The following PRPF8 variants were observed in gnomAD, a reference collection of about 807,000 sequenced individuals.
PRPF8 encodes the protein pre-mRNA processing factor 8.
Under a neutral mutation model 285.9 loss-of-function variants are expected in PRPF8, and 64 were observed. That is an observed-to-expected ratio of 0.22 (90% CI 0.18 to 0.28). The LOEUF is 0.28. Among genes scored for constraint, PRPF8 ranks in the 10% least tolerant of loss-of-function variants. The pLI is 1.00. For synonymous variants in PRPF8, 1,325 were observed against 1,118.2 expected, an observed-to-expected ratio of 1.18 and a Z score of -3.69; for missense variants, 1,426 against 3,026.7, an observed-to-expected ratio of 0.47 and a Z score of 12.41.
chr17:1,676,896 G>T lies in PRPF8; in HGVS notation c.2181+80C>A. ...AAAGAAAAGAGATTGGAGCCAGATA[G>T]CCCCCTAATGATTCCCGAAGTGGTA... On this transcript the variant is annotated intron_variant, in intron 15 of 42. Transcript: ENST00000304992. The surrounding 1 kb of genome is among the most constrained non-coding windows in gnomAD (Gnocchi z 6.3). 1 of 1,539,210 alleles carries T rather than the reference G, an allele frequency of 6.5e-7. No individual in the cohort carries two copies. The highest frequency in any genetic ancestry group is 8.9e-7 in the Non-Finnish European group (1 of 1,119,640).
Position 1,651,430 on chromosome 17 carries a change from T to C in PRPF8, c.6634A>G (p.Ile2212Val). Residue 2212 changes from isoleucine (I) to valine (V), a missense_variant, in exon 41 of 43, where the codon ATT becomes GTT. Around this residue, in one of 34 missense-constraint regions of PRPF8, gnomAD observed 160 missense variants for 373.7 expected, o/e 0.43. Transcript: ENST00000304992. This position sits in a 1 kb window ranked among gnomAD's most constrained non-coding sequence, Gnocchi z 5.1. ...DNPSWDGEKT[I>V]IITCSFTPGS... ...CAGGCCCACCTGCATGTGATGATAA[T>C]GGTCTTCTCGCCATCCCAAGATGGG... 1 of 1,614,190 alleles carries C rather than the reference T, an allele frequency of 6.2e-7. No individual in the cohort carries two copies. Among genetic ancestry groups the C allele is most frequent in the Non-Finnish European group, 8.5e-7 (1 of 1,180,026 alleles).
intron 24 of PRPF8, among the ~76,000 whole-genome samples, chr17:1,666,941 G>A (rs776080705): frequency 3.3e-5 from 5 of 152,172 alleles, no homozygotes; most frequent in Admixed American, 2.0e-4. Context: ...TTGGGAGGCC[G>A]AGGCGGTTGG....
At chr17:1,670,568 C>A (rs562796409) in intron 24 of PRPF8, among the ~76,000 whole-genome samples, 2 of 151,950 alleles carry the variant, frequency 1.3e-5, no homozygotes, top group Admixed American at 1.3e-4. Flanking sequence ...CTCACTGCAA[C>A]CTCCGCCTCC....
At chr17:1,684,623 C>G in intron 1 of PRPF8, 41 bp from the exon 2 acceptor site, 1 of 1,589,724 alleles carries the variant, frequency 6.3e-7, no homozygotes, top group Non-Finnish European at 8.6e-7. Flanking sequence ...AACCACAGGC[C>G]CGGGCCCACA....
At chr17:1,671,869 A>T (rs931075438) in intron 24 of PRPF8, among the ~76,000 whole-genome samples, 2 of 150,784 alleles carry the variant, frequency 1.3e-5, no homozygotes, top group Admixed American at 1.3e-4. Flanking sequence ...AAAAAAAAAA[A>T]AAAAAATTAA....
At position 1,661,348 on chromosome 17, in the gene PRPF8, T is replaced by C; in HGVS notation, c.4261A>G (p.Thr1421Ala). 2 of 1,614,170 alleles carry C rather than the reference T, an allele frequency of 1.2e-6. No homozygotes were observed. The highest frequency in any genetic ancestry group is 1.7e-6 in the Non-Finnish European group (2 of 1,180,042). ...GTGTGCCGGTCCTTCTGGAAGAGGG[T>C]ATTGATTCGAGGAATGCCACGATCC... ...SWDRGIPRIN[T>A]LFQKDRHTLA... Residue 1421 changes from threonine (T) to alanine (A), a missense_variant, in exon 27 of 43, where the codon ACC becomes GCC. Coordinates refer to ENST00000304992, the MANE Select transcript of PRPF8 (RefSeq NM_006445.4). The surrounding 1 kb of genome is among the most constrained non-coding windows in gnomAD (Gnocchi z 7.3).
intron 21 of PRPF8, 80 bp downstream of exon 21, chr17:1,674,362 C>G (rs1359391190): frequency 2.8e-6 from 4 of 1,407,336 alleles, no homozygotes; most frequent in Non-Finnish European, 4.0e-6. Flanking sequence ...GTTAAGTCAA[C>G]TCAGGTACAA....
At chr17:1,672,905 A>C (rs1567686543) in intron 24 of PRPF8, 176 bp downstream of exon 24, 5 of 679,358 alleles carry the variant, frequency 7.4e-6, no homozygotes, top group Non-Finnish European at 1.3e-5. Flanking sequence ...GAACGCTCAG[A>C]AAATAACGAT....
At chr17:1,684,377 A>G in intron 2 of PRPF8, 95 bp downstream of exon 2, 1 of 1,232,696 alleles carries the variant, frequency 8.1e-7, no homozygotes, top group Non-Finnish European at 1.2e-6. Flanking sequence ...CTGACACCTC[A>G]GGAGCTGCCC....
At chr17:1,668,545 G>A (rs1912128847) in intron 24 of PRPF8, among the ~76,000 whole-genome samples, 1 of 151,844 alleles carries the variant, frequency 6.6e-6, no homozygotes, top group Non-Finnish European at 1.5e-5. Context: ...TGTATTTTTA[G>A]TAGAGACGGG....
Position 1,676,973 on chromosome 17 carries a change from C to T in PRPF8, c.2181+3G>A. On this transcript the variant is annotated splice_donor_region_variant and intron_variant, in intron 15 of 42. Coordinates refer to ENST00000304992, the MANE Select transcript of PRPF8 (RefSeq NM_006445.4). The surrounding 1 kb of genome is among the most constrained non-coding windows in gnomAD (Gnocchi z 6.3). ...GCCTCCAAGGAAATAAAGAGACACC[C>T]ACCTTCCAGGGAATGTTGGCTTTCC... 2 of 1,613,582 alleles carry T rather than the reference C, an allele frequency of 1.2e-6. No homozygotes were observed. The highest frequency in any genetic ancestry group is 1.7e-6 in the Non-Finnish European group (2 of 1,180,026).
rs571074849 is a variant in PRPF8, at chr17:1,676,426, G to C, written c.2389-56C>G. On this transcript the variant is annotated intron_variant, in intron 16 of 42. Coordinates refer to ENST00000304992, the MANE Select transcript of PRPF8 (RefSeq NM_006445.4). This position sits in a 1 kb window ranked among gnomAD's most constrained non-coding sequence, Gnocchi z 6.3. ...CTACAGCCCGATCCTGCCAGAACAA[G>C]GTTCAGTCACAACTCTACAGTCCTC... 6.2e-7 allele frequency: 1 copy of C among 1,613,966 alleles called. No individual in the cohort carries two copies. The highest frequency in any genetic ancestry group is 2.2e-5 in the East Asian group (1 of 44,892).
At chr17:1,681,330 C>A in intron 6 of PRPF8, 148 bp downstream of exon 6, 2 of 1,062,274 alleles carry the variant, frequency 1.9e-6, no homozygotes, top group South Asian at 1.3e-5. Context: ...ATCCTCCTGC[C>A]TCAGCTTCCC....
intron 36 of PRPF8, 146 bp from the exon 37 acceptor site, chr17:1,655,689 T>G: frequency 1.4e-6 from 1 of 695,026 alleles, no homozygotes; most frequent in East Asian, 2.7e-5. Context: ...TGCAGTGGCA[T>G]GATCTCGGCT....
chr17:1,655,771 C>T (rs1192847267), intron 36 of PRPF8, among the ~76,000 whole-genome samples: 16 of 151,374 alleles, frequency 1.1e-4, no homozygotes, highest in African/African-American at 3.6e-4. Flanking sequence ...GGATGACAGG[C>T]ACCTGCCACC....
In PRPF8 at chr17:1,660,688, T is replaced by A. The variant is rs1249730380; in HGVS notation, c.4638+10A>T. On this transcript the variant is annotated intron_variant, in intron 29 of 42. Coordinates refer to ENST00000304992, the MANE Select transcript of PRPF8 (RefSeq NM_006445.4). ...TTTAGCTTCCCCTCTCCAGTGTCAA[T>A]CACACTCACATTGGCTCGATTAATG... 1 of 1,614,158 alleles carries A rather than the reference T, an allele frequency of 6.2e-7. No individual in the cohort carries two copies. Among genetic ancestry groups the A allele is most frequent in the East Asian group, 2.2e-5 (1 of 44,886 alleles).
intron 11 of PRPF8, 34 bp downstream of exon 11, chr17:1,678,983 A>T (rs1043543507): frequency 3.1e-6 from 5 of 1,613,876 alleles, no homozygotes; most frequent in Non-Finnish European, 4.2e-6. Context: ...CCGTCCTTGA[A>T]GCCCAGGAGG....
intron 2 of PRPF8, 24 bp downstream of exon 2, chr17:1,684,448 C>T (rs145091945): frequency 4.3e-6 from 7 of 1,611,982 alleles, no homozygotes; most frequent in South Asian, 2.2e-5. Context: ...CCGGCCCGCG[C>T]GCCGCTCCAC....
chr17:1,680,339 T>C (rs1230451001), intron 8 of PRPF8: 7 of 332,742 alleles, frequency 2.1e-5, no homozygotes, highest in African/African-American at 8.5e-5. Context: ...ATTCTCAAAT[T>C]GCATGTCGTG....
Sources: gnomAD v4.1 joint callset for allele counts (sites outside exome capture counted in the v4.1 genomes callset) on GRCh38, gnomAD v4.1.1 for gene constraint, gnomAD v4.1.1 regional missense constraint, Gnocchi (gnomAD v3.1) non-coding constraint, MANE v1.5 for transcripts, NCBI Gene and HGNC (gene_info 2026-07-23, HGNC 2026-07-21) for gene names.